NBEA: variants seen among roughly 807,000 people sequenced by gnomAD.
NBEA encodes neurobeachin.
NBEA carries 44 observed loss-of-function variants against 343.4 expected under a neutral mutation model. That is an observed-to-expected ratio of 0.13 (90% CI 0.10 to 0.16). NBEA has a LOEUF of 0.16. NBEA is among the 10% of genes least tolerant of loss of function. The pLI is 1.00. For missense variants in NBEA, 2,555 were observed against 3,631.3 expected, an observed-to-expected ratio of 0.70 and a Z score of 7.62; for synonymous variants, 1,175 against 1,238.7, an observed-to-expected ratio of 0.95 and a Z score of 1.08.
chr13:34,963,183 G>A (rs1196661677), intron 1 of NBEA, among the ~76,000 whole-genome samples: 1 of 151,964 alleles, frequency 6.6e-6, no homozygotes, highest in Non-Finnish European at 1.5e-5. Flanking sequence ...TGCAGACTGG[G>A]TGGCTTAAAA....
intron 10 of NBEA, among the ~76,000 whole-genome samples, chr13:35,072,115 A>C (rs1344008931): frequency 6.6e-6 from 1 of 152,124 alleles, no homozygotes; most frequent in Non-Finnish European, 1.5e-5. Flanking sequence ...TAAATTCAAA[A>C]TGTTTTACTA....
intron 38 of NBEA, among the ~76,000 whole-genome samples, chr13:35,370,165 T>C (rs770367807): frequency 1.3e-5 from 2 of 152,008 alleles, no homozygotes; most frequent in Non-Finnish European, 2.9e-5. Flanking sequence ...AGTCTATCGC[T>C]CCCTTTAGAT....
intron 44 of NBEA, 133 bp downstream of exon 44, chr13:35,555,235 T>G: frequency 1.9e-6 from 1 of 517,982 alleles, no homozygotes; most frequent in Non-Finnish European, 3.3e-6. Flanking sequence ...GCACTCACAT[T>G]AAATTTTATC....
intron 41 of NBEA, among the ~76,000 whole-genome samples, chr13:35,517,177 C>T (rs1282220830): frequency 6.6e-6 from 1 of 152,136 alleles, no homozygotes; most frequent in Non-Finnish European, 1.5e-5. Context: ...AAACATGCTT[C>T]CTTGCCAAGT....
intron 23 of NBEA, among the ~76,000 whole-genome samples, chr13:35,163,011 A>C (rs914432322): frequency 3.9e-5 from 6 of 152,164 alleles, no homozygotes; most frequent in Non-Finnish European, 8.8e-5. Flanking sequence ...CCTAAATACC[A>C]TGAAATACAT....
chr13:35,002,696 G>C (rs945004087), intron 1 of NBEA, among the ~76,000 whole-genome samples: 1 of 152,080 alleles, frequency 6.6e-6, no homozygotes, highest in South Asian at 2.1e-4. Context: ...AATCAAAATA[G>C]GAACCATTAC....
At chr13:35,160,217 A>G (rs2069459164) in intron 22 of NBEA, among the ~76,000 whole-genome samples, 185 bp downstream of exon 22, 1 of 152,154 alleles carries the variant, frequency 6.6e-6, no homozygotes, top group Admixed American at 6.6e-5. Context: ...TATCTCAATT[A>G]TATTTCCAAC....
intron 40 of NBEA, among the ~76,000 whole-genome samples, chr13:35,471,133 C>T (rs1442034532): frequency 2.0e-5 from 3 of 152,194 alleles, no homozygotes; most frequent in Admixed American, 1.3e-4. Context: ...CCTTAGCCAC[C>T]CCCTTGTAAT....
At chr13:35,609,542 A>T (rs901489716) in intron 48 of NBEA, among the ~76,000 whole-genome samples, 2 of 152,220 alleles carry the variant, frequency 1.3e-5, no homozygotes, top group African/African-American at 2.4e-5. Context: ...TTTCTAGTAG[A>T]GGCCTAAATT....
intron 13 of NBEA, among the ~76,000 whole-genome samples, chr13:35,114,936 A>C (rs936478938): frequency 6.6e-6 from 1 of 152,182 alleles, no homozygotes; most frequent in Admixed American, 6.5e-5. Context: ...GATAATTTGC[A>C]CTACACTAGC....
intron 41 of NBEA, among the ~76,000 whole-genome samples, chr13:35,500,728 T>G (rs79519581): frequency 6.6e-6 from 1 of 150,708 alleles, no homozygotes; most frequent in Non-Finnish European, 1.5e-5. Context: ...TTTTTTTTTT[T>G]TTGAAAACAT....
chr13:35,032,133 T>C (rs2062248168), intron 1 of NBEA, among the ~76,000 whole-genome samples: 1 of 151,738 alleles, frequency 6.6e-6, no homozygotes, highest in Non-Finnish European at 1.5e-5. Flanking sequence ...GTTTTCATAG[T>C]AGAATAATTT....
Position 35,308,496 on chromosome 13 carries a change from ATG to A in NBEA, c.5839-1028_5839-1027del, listed in dbSNP as rs1566597277. Among the ~76,000 whole-genome samples the A allele has an allele frequency of 2.0e-3, 237 of 117,596 alleles. 3 individuals carry two copies. Among genetic ancestry groups the A allele is most frequent in the African/African-American group, 7.8e-3 (217 of 27,760 alleles). 77.1% of individuals were successfully genotyped at this position (117,596 alleles called of 152,430 possible). On this transcript the variant is annotated intron_variant, in intron 35 of 58. Coordinates refer to ENST00000379939, the MANE Select transcript of NBEA (RefSeq NM_001385012.1). ...TATGTATATATATATGTGTATATATATGTGTATATATATATGTGTATATATGT... is the reference window on the plus strand; with the variant it reads ...TATGTATATATATATGTGTATATATATGTATATATATATGTGTATATATGT...
chr13:35,062,631 G>C (rs181988972), intron 8 of NBEA, among the ~76,000 whole-genome samples: 5 of 151,846 alleles, frequency 3.3e-5, no homozygotes, highest in African/African-American at 1.2e-4. Context: ...ACAATAATTT[G>C]AATATCTGTA....
chr13:35,017,077 A>T (rs2061683615), intron 1 of NBEA, among the ~76,000 whole-genome samples: 1 of 152,162 alleles, frequency 6.6e-6, no homozygotes, highest in Admixed American at 6.5e-5. Context: ...GGGGAGTGAC[A>T]TAATTTCTTT....
intron 11 of NBEA, among the ~76,000 whole-genome samples, chr13:35,106,543 T>C (rs2065927624): frequency 6.6e-6 from 1 of 151,854 alleles, no homozygotes; most frequent in African/African-American, 2.4e-5. Context: ...CTAACAATAA[T>C]ACAAGGAGGA....
In NBEA at chr13:35,070,808, G is replaced by A; in HGVS notation, c.1527G>A (p.Leu509=). The change falls in exon 10 of 59, where the codon TTG becomes TTA. Residue 509 remains leucine, a synonymous_variant. Coordinates refer to ENST00000379939, the MANE Select transcript of NBEA (RefSeq NM_001385012.1). ...TGCTTTTTCCACTTTTTGCCCAATT[G>A]GATAATAGGCAGCTCAATGACAGTC... ...IQVLFPLFAQ[L]DNRQLNDSQV... is the part of the protein sequence containing the mutation. 5 of 1,610,212 alleles carry A rather than the reference G, an allele frequency of 3.1e-6. No homozygotes were observed. Among genetic ancestry groups the A allele is most frequent in the Non-Finnish European group, 4.2e-6 (5 of 1,178,746 alleles).
In NBEA at chr13:35,159,172, C is replaced by G. The variant is rs779764549; in HGVS notation, c.3001C>G (p.Arg1001Gly). The G allele has an allele frequency of 6.2e-7, 1 of 1,613,398 alleles. No homozygotes were observed. Among genetic ancestry groups the G allele is most frequent in the Non-Finnish European group, 8.5e-7 (1 of 1,179,540 alleles). Reference protein sequence around the residue: ...TTGAKGGMEIREIEDLSQSQS... With the variant: ...TTGAKGGMEIGEIEDLSQSQS... ...AGGAGCAAAAGGTGGAATGGAAATTCGAGAGATAGAAGATCTTTCACAAAG... is the reference window on the plus strand; with the variant it reads ...AGGAGCAAAAGGTGGAATGGAAATTGGAGAGATAGAAGATCTTTCACAAAG... The change falls in exon 22 of 59, where the codon CGA becomes GGA. Residue 1001 changes from arginine to glycine, a missense_variant. By Grantham distance (125) the Arg-to-Gly change is moderately radical (BLOSUM62 -2). Coordinates refer to ENST00000379939, the MANE Select transcript of NBEA (RefSeq NM_001385012.1).
intron 1 of NBEA, among the ~76,000 whole-genome samples, chr13:35,015,311 AATG>A (rs1452711531): frequency 1.3e-5 from 2 of 152,132 alleles, no homozygotes; most frequent in East Asian, 3.9e-4. Context: ...CTCATTTAAT[AATG>A]AGTTATTGAG....
Sources: allele counts gnomAD v4.1 joint callset (sites outside exome capture counted in the v4.1 genomes callset), GRCh38; gene constraint gnomAD v4.1.1; transcripts MANE v1.5; gene names NCBI Gene and HGNC (gene_info 2026-07-23, HGNC 2026-07-21).